Variants in MRPS27 observed in about 807,000 individuals in gnomAD.
The protein encoded by MRPS27 is small ribosomal subunit protein mS27.
In MRPS27, 43 loss-of-function variants were observed where a neutral mutation model predicts 48.9. The ratio of observed to expected loss-of-function variants is 0.88; its 90% CI spans 0.69 to 1.13. MRPS27 has a LOEUF of 1.13. Among genes scored for constraint, MRPS27 ranks in the 50% most tolerant of loss-of-function variants. MRPS27 has a pLI of 0.00. For synonymous variants in MRPS27, 188 were observed against 171.9 expected, an observed-to-expected ratio of 1.09 and a Z score of -0.73; for missense variants, 467 against 476.3, an observed-to-expected ratio of 0.98 and a Z score of 0.18.
intron 4 of MRPS27, among the ~76,000 whole-genome samples, chr5:72,272,297 T>C (rs1363918231): frequency 6.6e-6 from 1 of 152,220 alleles, no homozygotes; most frequent in Non-Finnish European, 1.5e-5. Flanking sequence ...TTCACTGGTG[T>C]CTGGAAATTT....
chr5:72,257,478 A>G (rs1748840945), intron 4 of MRPS27, among the ~76,000 whole-genome samples: 1 of 152,196 alleles, frequency 6.6e-6, no homozygotes, highest in African/African-American at 2.4e-5. Flanking sequence ...ACGTTCATCC[A>G]TAATCCTCCA....
chr5:72,299,071 G>GTA (rs1750061504), intron 2 of MRPS27, among the ~76,000 whole-genome samples: 1 of 152,114 alleles, frequency 6.6e-6, no homozygotes, highest in Non-Finnish European at 1.5e-5. Context: ...TAAGCACTGG[G>GTA]TATACACGGA....
chr5:72,232,330 T>C (rs1010618773), intron 7 of MRPS27, 113 bp downstream of exon 7: 9 of 649,986 alleles, frequency 1.4e-5, no homozygotes, highest in Non-Finnish European at 2.1e-5. Context: ...TAAACACACA[T>C]TCCTGGTTGT....
intron 4 of MRPS27, among the ~76,000 whole-genome samples, chr5:72,291,515 A>G (rs559525628): frequency 3.4e-4 from 52 of 152,362 alleles, no homozygotes; most frequent in Non-Finnish European, 6.2e-4. Context: ...AATTACTAAC[A>G]TAATTTCTAA....
intron 7 of MRPS27, among the ~76,000 whole-genome samples, chr5:72,232,116 T>C (rs1748077786): frequency 6.6e-6 from 1 of 152,202 alleles, no homozygotes; most frequent in Non-Finnish European, 1.5e-5. Flanking sequence ...TCCCAGGTAA[T>C]GGTCAACGTT....
intron 2 of MRPS27, among the ~76,000 whole-genome samples, chr5:72,306,216 T>C (rs1209333707): frequency 6.6e-6 from 1 of 152,170 alleles, no homozygotes; most frequent in Non-Finnish European, 1.5e-5. Context: ...CATAAAAATT[T>C]CCTAGATAAT....
intron 4 of MRPS27, among the ~76,000 whole-genome samples, chr5:72,287,833 C>G (rs1035308148): frequency 3.9e-5 from 6 of 152,232 alleles, no homozygotes; most frequent in African/African-American, 1.4e-4. Context: ...ATAATCACTT[C>G]AGAAAACAAT....
At chr5:72,249,962 C>T (rs754754676) in intron 4 of MRPS27, among the ~76,000 whole-genome samples, 31 of 151,878 alleles carry the variant, frequency 2.0e-4, no homozygotes, top group Non-Finnish European at 1.3e-4. Flanking sequence ...CCAGCCTGGG[C>T]GACAGAACGA....
intron 4 of MRPS27, among the ~76,000 whole-genome samples, chr5:72,245,569 A>G (rs902596653): frequency 1.3e-5 from 2 of 152,222 alleles, no homozygotes; most frequent in Non-Finnish European, 2.9e-5. Flanking sequence ...TGGGAAAAAG[A>G]AAGGTGAGAA....
chr5:72,315,817 G>A (rs968877073), intron 1 of MRPS27, among the ~76,000 whole-genome samples: 2 of 152,104 alleles, frequency 1.3e-5, no homozygotes, highest in African/African-American at 4.8e-5. Context: ...AAAGAATTTG[G>A]TAGCTCCTCA....
chr5:72,295,572 G>T lies in MRPS27; in HGVS notation c.240C>A (p.Ser80=), dbSNP rs189931929. 1.9e-6 allele frequency: 3 copies of T among 1,610,348 alleles called. No homozygotes were observed. Among genetic ancestry groups the T allele is most frequent in the Non-Finnish European group, 2.5e-6 (3 of 1,176,888 alleles). ...CTGCATGATCTATCTCTTCCCGAGA[G>T]GAAATGTTGTCTATAAGCTAAAAGA... ...LTISRLIDNI[S]SREEIDHAEY... Residue 80 remains serine, a synonymous_variant, in exon 4 of 11, where the codon TCC becomes TCA. Coordinates refer to ENST00000261413, the MANE Select transcript of MRPS27 (RefSeq NM_015084.3).
intron 1 of MRPS27, among the ~76,000 whole-genome samples, chr5:72,316,166 A>G (rs1362758646): frequency 6.6e-6 from 1 of 152,244 alleles, no homozygotes; most frequent in East Asian, 1.9e-4. Flanking sequence ...AGAATAGGCA[A>G]GTCTGTAGAG....
At chr5:72,281,219 T>C (rs1293544889) in intron 4 of MRPS27, among the ~76,000 whole-genome samples, 2 of 152,234 alleles carry the variant, frequency 1.3e-5, no homozygotes, top group Admixed American at 6.5e-5. Flanking sequence ...CTAAATTTTA[T>C]TGAGCACTGA....
intron 10 of MRPS27, 101 bp downstream of exon 10, chr5:72,223,580 CCT>C: frequency 4.4e-6 from 6 of 1,359,512 alleles, no homozygotes; most frequent in Non-Finnish European, 6.1e-6. Flanking sequence ...GTTTTTAATG[CCT>C]CTTTGTGTGA....
At chr5:72,223,500 T>C (rs1324432958) in intron 10 of MRPS27, among the ~76,000 whole-genome samples, 183 bp downstream of exon 10, 1 of 152,206 alleles carries the variant, frequency 6.6e-6, no homozygotes, top group Non-Finnish European at 1.5e-5. Flanking sequence ...AAAAGGAGCA[T>C]AAAAATTCCA....
chr5:72,278,484 G>C (rs1016276214), intron 4 of MRPS27, among the ~76,000 whole-genome samples: 4 of 151,064 alleles, frequency 2.6e-5, no homozygotes, highest in Admixed American at 1.3e-4. Flanking sequence ...TGTCATACTT[G>C]AGATTTTCTT....
chr5:72,307,384 G>T (rs1186578970), intron 2 of MRPS27, among the ~76,000 whole-genome samples: 1 of 152,060 alleles, frequency 6.6e-6, no homozygotes, highest in Non-Finnish European at 1.5e-5. Context: ...GAGTATCAGG[G>T]ATATCTGAAC....
chr5:72,314,993 A>G (rs768106452), intron 1 of MRPS27, among the ~76,000 whole-genome samples: 28 of 152,246 alleles, frequency 1.8e-4, no homozygotes, highest in Non-Finnish European at 4.0e-4. Context: ...GAGGTAACGT[A>G]CAAGATAGCA....
chr5:72,274,488 G>A (rs1040963656), intron 4 of MRPS27, among the ~76,000 whole-genome samples: 2 of 152,196 alleles, frequency 1.3e-5, no homozygotes, highest in Admixed American at 6.5e-5. Context: ...TAACAGACAT[G>A]GAGCTGGCAT....
Sources: gnomAD v4.1 joint callset for allele counts (sites outside exome capture counted in the v4.1 genomes callset) on GRCh38, gnomAD v4.1.1 for gene constraint, MANE v1.5 for transcripts, NCBI Gene and HGNC (gene_info 2026-07-23, HGNC 2026-07-21) for gene names.